Variants in AKR7A2 observed in about 807,000 individuals in gnomAD.
AKR7A2 encodes the protein aflatoxin B1 aldehyde reductase member 2.
AKR7A2 carries 29 observed loss-of-function variants against 37.3 expected under a neutral mutation model. The observed-to-expected ratio is 0.78, with a 90% CI of 0.58 to 1.06. The LOEUF (loss-of-function observed/expected upper bound fraction) is 1.06, where lower values mean the gene tolerates loss of function less well. Ranked by LOEUF, AKR7A2 falls within the 50% of genes least tolerant of loss-of-function variation. The probability of loss-of-function intolerance (pLI) is 0.00; values close to 1 mark genes in which losing one functional copy is unlikely to be tolerated. For synonymous variants in AKR7A2, 228 were observed against 217.8 expected (o/e 1.05, Z -0.41); for missense variants, 529 against 497.9 (o/e 1.06, Z -0.59).
In AKR7A2 at chr1:19,308,777, C is replaced by T. The variant is rs190027693; in HGVS notation, c.299-135G>A. 2.0e-4 allele frequency: 181 copies of T among 886,830 alleles called. No individual in the cohort carries two copies. In the African/African-American group the frequency reaches 2.7e-3, roughly 13 times the overall value. The allele number at this position is 886,830 out of a possible 1,614,324, so 54.9% of individuals were successfully genotyped here. ...ATGGGGTGATAATAATCAAACTGTCCTCATTGGGAGGTCCTGGGGATTAAA... is the reference window on the plus strand; with the variant it reads ...ATGGGGTGATAATAATCAAACTGTCTTCATTGGGAGGTCCTGGGGATTAAA... On this transcript the variant is annotated intron_variant, in intron 1 of 6. Coordinates refer to ENST00000235835, the MANE Select transcript of AKR7A2 (RefSeq NM_003689.4).
chr1:19,307,655 G>A (rs2093764189), intron 3 of AKR7A2: 1 of 582,406 alleles, frequency 1.7e-6, no homozygotes, highest in Non-Finnish European at 3.1e-6. Flanking sequence ...ACCACAAGTA[G>A]GTATCACAAA....
intron 1 of AKR7A2, among the ~76,000 whole-genome samples, chr1:19,309,660 T>C (rs541753301): frequency 1.3e-5 from 2 of 152,120 alleles, no homozygotes; most frequent in African/African-American, 4.8e-5. Context: ...CTCAAGTCTG[T>C]AAACCTAGTT....
At position 19,308,469 on chromosome 1, in the gene AKR7A2, G is replaced by T; in HGVS notation, c.472C>A (p.Arg158=). 6.2e-7 allele frequency: 1 copy of T among 1,613,882 alleles called. No homozygotes were observed. Among genetic ancestry groups the T allele is most frequent in the Non-Finnish European group, 8.5e-7 (1 of 1,180,008 alleles). The change falls in exon 2 of 7, where the codon CGG becomes AGG. Residue 158 remains arginine, a synonymous_variant. Transcript: ENST00000235835. ...GGCCCCCTCACCTCCTGGTGCAGCCGCTGGCAGGCATGCAGCGTCTCTTCC... is the reference window on the plus strand; with the variant it reads ...GGCCCCCTCACCTCCTGGTGCAGCCTCTGGCAGGCATGCAGCGTCTCTTCC... ...PVEETLHACQ[R]LHQEGKFVEL...
At chr1:19,305,468 G>C (rs1420358552) in intron 6 of AKR7A2, among the ~76,000 whole-genome samples, 2 of 152,162 alleles carry the variant, frequency 1.3e-5, no homozygotes, top group Non-Finnish European at 2.9e-5. Context: ...CTCCAGAGTA[G>C]CTGGGAACGT....
rs933272695 is a variant in AKR7A2, at chr1:19,304,175, G to T, written c.*50C>A. On this transcript the variant is annotated 3_prime_UTR_variant, in exon 7 of 7. Coordinates refer to ENST00000235835, the MANE Select transcript of AKR7A2 (RefSeq NM_003689.4). ...AAGGCCAAGACTGGTCAGTGTGAGAGAACAAAAGAGGTGACAGAAAAGCCT... is the reference window on the plus strand; with the variant it reads ...AAGGCCAAGACTGGTCAGTGTGAGATAACAAAAGAGGTGACAGAAAAGCCT... 6.2e-7 allele frequency: 1 copy of T among 1,614,036 alleles called. No homozygotes were observed. Among genetic ancestry groups the T allele is most frequent in the South Asian group, 1.1e-5 (1 of 91,074 alleles).
intron 3 of AKR7A2, chr1:19,307,706 T>TA (rs2093764306): frequency 1.9e-6 from 1 of 535,192 alleles, no homozygotes; most frequent in Non-Finnish European, 3.4e-6. Flanking sequence ...TTTAAAAAAA[T>TA]AGACAAGGAA....
intron 6 of AKR7A2, 111 bp downstream of exon 6, chr1:19,305,907 A>G (rs761317370): frequency 9.5e-6 from 15 of 1,581,116 alleles, no homozygotes; most frequent in Admixed American, 5.1e-5. Flanking sequence ...GAGAATTGGA[A>G]GAAAGAAAAA....
chr1:19,306,106 T>C lies in AKR7A2; in HGVS notation c.830A>G (p.Glu277Gly). The change falls in exon 6 of 7, where the codon GAG becomes GGG. Residue 277 changes from glutamate to glycine, a missense_variant. Transcript: ENST00000235835. ...EHHFEAIALV[E>G]KALQAAYGAS... ...GCCATATGCGGCCTGCAGGGCCTTC[T>C]CCACCAACGCAATGGCCTCGAAGTG... is the stretch of plus-strand genomic sequence containing the variant. 6.2e-7 allele frequency: 1 copy of C among 1,614,184 alleles called. No homozygotes were observed. The highest frequency in any genetic ancestry group is 2.2e-5 in the East Asian group (1 of 44,878).
rs1305084545 is a variant in AKR7A2, at chr1:19,307,353, G to A, written c.649C>T (p.His217Tyr). 2 of 1,613,838 alleles carry A rather than the reference G, an allele frequency of 1.2e-6. No individual in the cohort carries two copies. The highest frequency in any genetic ancestry group is 2.2e-5 in the East Asian group (1 of 44,904). The change falls in exon 4 of 7, where the codon CAC becomes TAC. Residue 217 changes from histidine to tyrosine, a missense_variant. By Grantham distance (83) the His-to-Tyr change is moderately conservative. Transcript: ENST00000235835. Reference protein sequence around the residue: ...VETELFPCLRHFGLRFYAYNP... With the variant: ...VETELFPCLRYFGLRFYAYNP... ...TAGGCATAGAACCTCAGTCCAAAGTGCCTGAGGCAGGGGAAGAGCTCCGTT... is the reference window on the plus strand; with the variant it reads ...TAGGCATAGAACCTCAGTCCAAAGTACCTGAGGCAGGGGAAGAGCTCCGTT...
intron 1 of AKR7A2, among the ~76,000 whole-genome samples, chr1:19,310,233 C>T (rs143232830): frequency 2.4e-3 from 367 of 152,270 alleles, no homozygotes; most frequent in Admixed American, 5.7e-3. Context: ...TCCACAGTTT[C>T]TCATCCAGAT....
intron 3 of AKR7A2, chr1:19,307,786 G>A (rs2093764478): frequency 4.1e-6 from 2 of 491,374 alleles, no homozygotes; most frequent in East Asian, 3.9e-5. Context: ...CTGAATGTAT[G>A]AAGATGAGAT....
At chr1:19,306,836 C>T (rs1009369280) in intron 5 of AKR7A2, among the ~76,000 whole-genome samples, 166 bp downstream of exon 5, 4 of 152,136 alleles carry the variant, frequency 2.6e-5, no homozygotes, top group African/African-American at 9.7e-5. Flanking sequence ...CCAGAGGTCT[C>T]AAGACAACAA....
In AKR7A2 at chr1:19,306,990, C is replaced by T. The variant is rs1340304016; in HGVS notation, c.788+12G>A. On this transcript the variant is annotated intron_variant, in intron 5 of 6. Coordinates refer to ENST00000235835, the MANE Select transcript of AKR7A2 (RefSeq NM_003689.4). ...ACCCCAGCCATCCTCACCAAGCCCA[C>T]CCCCGGCTCACCGATTCCTGTAGGT... 1.2e-6 allele frequency: 2 copies of T among 1,613,178 alleles called. No homozygotes were observed. The highest frequency in any genetic ancestry group is 2.2e-5 in the South Asian group (2 of 91,066).
Position 19,308,462 on chromosome 1 carries a change from T to C in AKR7A2, c.479A>G (p.His160Arg). Residue 160 changes from histidine to arginine, a missense_variant, in exon 2 of 7, where the codon CAC (histidine) becomes CGC (arginine). Physicochemically the swap from His to Arg is conservative, Grantham distance 29. Transcript: ENST00000235835. ...CTCGGAGGGCCCCCTCACCTCCTGG[T>C]GCAGCCGCTGGCAGGCATGCAGCGT... ...EETLHACQRL[H>R]QEGKFVELGL... The C allele has an allele frequency of 6.2e-7, 1 of 1,613,718 alleles. No homozygotes were observed. The highest frequency in any genetic ancestry group is 8.5e-7 in the Non-Finnish European group (1 of 1,179,994).
chr1:19,308,967 T>C (rs796676879), intron 1 of AKR7A2, among the ~76,000 whole-genome samples: 28 of 152,092 alleles, frequency 1.8e-4, no homozygotes, highest in African/African-American at 5.8e-4. Flanking sequence ...GATGGTACAA[T>C]ATGGTAAGCA....
chr1:19,306,347 A>G (rs1344784618), intron 5 of AKR7A2, among the ~76,000 whole-genome samples, 200 bp from the exon 6 acceptor site: 3 of 152,238 alleles, frequency 2.0e-5, no homozygotes, highest in Non-Finnish European at 2.9e-5. Context: ...AGAGACCTCA[A>G]TGGATCTTTA....
At chr1:19,308,099 G>C in intron 3 of AKR7A2, 59 bp downstream of exon 3, 1 of 1,605,942 alleles carries the variant, frequency 6.2e-7, no homozygotes, top group Non-Finnish European at 8.5e-7. Flanking sequence ...GGGGGGCAAA[G>C]AGAGCCCAGG....
chr1:19,306,919 TA>T, intron 5 of AKR7A2, 82 bp downstream of exon 5: 1 of 1,231,914 alleles, frequency 8.1e-7, no homozygotes, highest in Non-Finnish European at 1.2e-6. Context: ...AGGAAGGTCT[TA>T]CCTCAGGAAC....
At chr1:19,308,756 G>T in intron 1 of AKR7A2, 114 bp from the exon 2 acceptor site, 1 of 1,061,792 alleles carries the variant, frequency 9.4e-7, no homozygotes, top group Non-Finnish European at 1.4e-6. Flanking sequence ...TGTAAAATGG[G>T]GTGATAATAA....
Sources: gnomAD v4.1 joint callset for allele counts (sites outside exome capture counted in the v4.1 genomes callset) on GRCh38, gnomAD v4.1.1 for gene constraint, MANE v1.5 for transcripts, NCBI Gene and HGNC (gene_info 2026-07-23, HGNC 2026-07-21) for gene names.